Variants in AEN observed in about 807,000 individuals in gnomAD.
AEN encodes the protein apoptosis-enhancing nuclease.
AEN carries 21 observed loss-of-function variants against 17.7 expected under a neutral mutation model. The ratio of observed to expected loss-of-function variants is 1.19; its 90% CI spans 0.84 to 1.71. The LOEUF (loss-of-function observed/expected upper bound fraction) is 1.71, where lower values mean the gene tolerates loss of function less well. Among genes scored for constraint, AEN ranks in the 40% most tolerant of loss-of-function variants. AEN has a pLI of 0.00. For missense variants in AEN, 462 were observed against 435.9 expected, an observed-to-expected ratio of 1.06 and a Z score of -0.53; for synonymous variants, 190 against 173.0, an observed-to-expected ratio of 1.10 and a Z score of -0.77.
the AEN span, among the ~76,000 whole-genome samples, chr15:88,609,574 C>T: frequency 2.6e-5 from 4 of 152,118 alleles, no homozygotes; most frequent in African/African-American, 9.7e-5. Flanking sequence ...TGGAAACAAG[C>T]GTTGCTAAGG....
In AEN at chr15:88,630,517, T is replaced by G. The variant is rs2057915587; in HGVS notation, c.*223T>G. On this transcript the variant is annotated 3_prime_UTR_variant, in exon 4 of 4. Transcript: ENST00000332810. This position sits in a 1 kb window ranked among gnomAD's most constrained non-coding sequence, Gnocchi z 5.1. ...GTTCTTTCTTCTGACTCCTGTGGTT[T>G]TGCTAATGGCACTTTACAGACTCCA... The G allele has an allele frequency of 1.8e-6, 1 of 558,130 alleles. No individual in the cohort carries two copies. Among genetic ancestry groups the G allele is most frequent in the East Asian group, 3.0e-5 (1 of 33,254 alleles). 34.6% of individuals were successfully genotyped at this position (558,130 alleles called of 1,614,324 possible).
rs766558945 is a variant in AEN, at chr15:88,626,454, A to G, written c.245A>G (p.Gln82Arg). Residue 82 changes from glutamine to arginine, a missense_variant, in exon 2 of 4, where the codon CAG becomes CGG. Physicochemically the swap from Gln to Arg is conservative, Grantham distance 43 (BLOSUM62 1). Transcript: ENST00000332810. ...ACTGAAGCTGCCAGCAGTGGGAAGC[A>G]GTGTCTGAGGGCTGGATCTGGCAGT... ...TATEAASSGK[Q>R]CLRAGSGSAP... is the part of the protein sequence containing the mutation. 1 of 1,613,858 alleles carries G rather than the reference A, an allele frequency of 6.2e-7. No individual in the cohort carries two copies. Among genetic ancestry groups the G allele is most frequent in the East Asian group, 2.2e-5 (1 of 44,880 alleles).
the AEN span, among the ~76,000 whole-genome samples, chr15:88,614,891 TTTG>T: frequency 6.9e-6 from 1 of 145,566 alleles, no homozygotes; most frequent in South Asian, 2.2e-4. Flanking sequence ...TTGTTGTTGT[TTTG>T]TTTTGTTTTG....
At chr15:88,628,290 A>G (rs566082410) in intron 2 of AEN, 2 of 152,372 alleles carry the variant, frequency 1.3e-5, no homozygotes, top group African/African-American at 4.8e-5. Context: ...AATGCATCTT[A>G]TCCATCTGCC....
the AEN span, among the ~76,000 whole-genome samples, chr15:88,616,286 G>A: frequency 6.6e-6 from 1 of 152,156 alleles, no homozygotes; most frequent in Admixed American, 6.5e-5. Context: ...TAGAGATGGA[G>A]TTTCACCGTG....
At chr15:88,613,028 T>C in the AEN span, among the ~76,000 whole-genome samples, 1 of 152,290 alleles carries the variant, frequency 6.6e-6, no homozygotes, top group South Asian at 2.1e-4. Flanking sequence ...GCCCTCCCTA[T>C]TCCTAAGTAT....
Position 88,629,123 on chromosome 15 carries a change from C to T in AEN, c.541-103C>T, listed in dbSNP as rs985637120. 3 of 1,180,554 alleles carry T rather than the reference C, an allele frequency of 2.5e-6. No individual in the cohort carries two copies. The Admixed American group carries it at 5.4e-5, about 21-fold the overall frequency. 73.1% of individuals were successfully genotyped at this position (1,180,554 alleles called of 1,614,324 possible). Reference sequence around the variant, plus strand: ...CTCCCCACTCGGTGCTGCCTCCCCCCACAGGGATCCATGCATCTATTGGCC... The same window carrying T: ...CTCCCCACTCGGTGCTGCCTCCCCCTACAGGGATCCATGCATCTATTGGCC... On this transcript the variant is annotated intron_variant, in intron 2 of 3. Transcript: ENST00000332810.
chr15:88,610,258 G>A, the AEN span, among the ~76,000 whole-genome samples: 1 of 151,520 alleles, frequency 6.6e-6, no homozygotes, highest in Non-Finnish European at 1.5e-5. Flanking sequence ...AACAATTCAA[G>A]GTTGAAGGAC....
rs755197177 is a variant in AEN at position 88,630,024 on chromosome 15, C to T, written c.742-34C>T. 3.7e-6 allele frequency: 6 copies of T among 1,608,632 alleles called. No homozygotes were observed. Among genetic ancestry groups the T allele is most frequent in the Non-Finnish European group, 4.3e-6 (5 of 1,175,642 alleles). On this transcript the variant is annotated intron_variant, in intron 3 of 3. Coordinates refer to ENST00000332810, the MANE Select transcript of AEN (RefSeq NM_022767.4). This position sits in a 1 kb window ranked among gnomAD's most constrained non-coding sequence, Gnocchi z 5.1. ...TGGGGTAACAGGCCTCTCACTAGGCCTGCAGGCAGTGATGTGTTGGCTCTC... is the reference window on the plus strand; with the variant it reads ...TGGGGTAACAGGCCTCTCACTAGGCTTGCAGGCAGTGATGTGTTGGCTCTC...
Position 88,629,354 on chromosome 15 carries a change from G to T in AEN, c.669G>T (p.Glu223Asp). Reference protein sequence around the residue: ...DTTYVPNFLSEPGLHTRARVS... With the variant: ...DTTYVPNFLSDPGLHTRARVS... Reference sequence around the variant, plus strand: ...CCTATGTCCCAAACTTCCTCAGCGAGCCCGGCCTCCACACCCGGGCCCGGG... The same window carrying T: ...CCTATGTCCCAAACTTCCTCAGCGATCCCGGCCTCCACACCCGGGCCCGGG... The change falls in exon 3 of 4, where the codon GAG becomes GAT. Residue 223 changes from glutamate to aspartate, a missense_variant. Glu to Asp is a conservative substitution (Grantham distance 45). Coordinates refer to ENST00000332810, the MANE Select transcript of AEN (RefSeq NM_022767.4). The T allele has an allele frequency of 6.2e-7, 1 of 1,614,106 alleles. No homozygotes were observed. The highest frequency in any genetic ancestry group is 8.5e-7 in the Non-Finnish European group (1 of 1,180,014).
At chr15:88,618,037 C>T (rs1459681588), upstream of AEN, among the ~76,000 whole-genome samples, 1 of 152,140 alleles carries the variant, frequency 6.6e-6, no homozygotes, top group Non-Finnish European at 1.5e-5. Flanking sequence ...TTACCTACAC[C>T]AGGTTCTTTC....
upstream of AEN, among the ~76,000 whole-genome samples, chr15:88,618,798 T>A (rs1203989816): frequency 6.6e-6 from 1 of 152,114 alleles, no homozygotes; most frequent in Non-Finnish European, 1.5e-5. Context: ...TATTTATTTA[T>A]TTATTCATTT....
rs372832261 is a variant in AEN, at chr15:88,630,114, C to T, written c.798C>T (p.Tyr266=). 509 of 1,613,874 alleles carry T rather than the reference C, an allele frequency of 3.2e-4. No homozygotes were observed. Among genetic ancestry groups the T allele is most frequent in the Non-Finnish European group, 4.2e-4 (490 of 1,180,020 alleles). ...ATGCCACGACAGCCATGGAGCTCTACCGGCTGGTGGAGGTGCAGTGGGAAC... is the reference window on the plus strand; with the variant it reads ...ATGCCACGACAGCCATGGAGCTCTATCGGCTGGTGGAGGTGCAGTGGGAAC... ...VEDATTAMEL[Y]RLVEVQWEQQ... is the part of the protein sequence containing the mutation. Residue 266 remains tyrosine, a synonymous_variant, in exon 4 of 4, where the codon TAC becomes TAT. Transcript: ENST00000332810. The surrounding 1 kb of genome is among the most constrained non-coding windows in gnomAD (Gnocchi z 5.1).
At chr15:88,605,438 C>T in the AEN span, among the ~76,000 whole-genome samples, 1 of 152,216 alleles carries the variant, frequency 6.6e-6, no homozygotes, top group Non-Finnish European at 1.5e-5. This position sits in a 1 kb window ranked among gnomAD's most constrained non-coding sequence, Gnocchi z 7.6. Context: ...CAAGCCTCTC[C>T]TCTTTGCTTT....
In AEN at chr15:88,622,329, C is replaced by A. The variant is rs115615028; in HGVS notation, c.-65+947C>A. Among the ~76,000 whole-genome samples the A allele has an allele frequency of 4.8e-3, 726 of 152,344 alleles. 10 individuals are homozygous for A. The highest frequency in any genetic ancestry group is 0.017 in the African/African-American group (694 of 41,568). ...GGAACTTCTCTCCAGCTTCACTGAGCTACATTTGGGTCCCCAAAGAGGTGT... is the reference window on the plus strand; with the variant it reads ...GGAACTTCTCTCCAGCTTCACTGAGATACATTTGGGTCCCCAAAGAGGTGT... On this transcript the variant is annotated intron_variant, in intron 1 of 3. Transcript: ENST00000332810.
the AEN span, among the ~76,000 whole-genome samples, chr15:88,610,998 G>A: frequency 1.3e-5 from 2 of 152,170 alleles, no homozygotes; most frequent in African/African-American, 4.8e-5. Flanking sequence ...GACTGGGCCA[G>A]GATTCCACCA....
chr15:88,607,058 G>A, the AEN span, among the ~76,000 whole-genome samples: 1 of 152,136 alleles, frequency 6.6e-6, no homozygotes, highest in Non-Finnish European at 1.5e-5. Context: ...TCCCTGGTTT[G>A]ATAGTCATCC....
At position 88,630,237 on chromosome 15, in the gene AEN, T is replaced by C. The variant is rs61752326; in HGVS notation, c.921T>C (p.Asp307=). Residue 307 remains aspartate, a synonymous_variant, in exon 4 of 4, where the codon GAT becomes GAC. Transcript: ENST00000332810. The surrounding 1 kb of genome is among the most constrained non-coding windows in gnomAD (Gnocchi z 5.1). Reference sequence around the variant, plus strand: ...ACATGGAGGACCAGTACTGGCCCGATGACCTGGCCCACGGCAGCAGAGGAG... The same window carrying C: ...ACATGGAGGACCAGTACTGGCCCGACGACCTGGCCCACGGCAGCAGAGGAG... ...EQYMEDQYWP[D]DLAHGSRGGA... 2.3e-5 allele frequency: 37 copies of C among 1,603,060 alleles called. 1 individual carries two copies. In the South Asian group the frequency reaches 3.0e-4, roughly 13 times the overall value.
chr15:88,609,026 C>G, the AEN span, among the ~76,000 whole-genome samples: 1 of 152,200 alleles, frequency 6.6e-6, no homozygotes, highest in African/African-American at 2.4e-5. Context: ...GACAGAAACT[C>G]TCTGATAACA....
Sources: gnomAD v4.1 joint callset for allele counts (sites outside exome capture counted in the v4.1 genomes callset) on GRCh38, gnomAD v4.1.1 for gene constraint, Gnocchi (gnomAD v3.1) non-coding constraint, MANE v1.5 for transcripts, NCBI Gene and HGNC (gene_info 2026-07-23, HGNC 2026-07-21) for gene names.